NINJ2: variants seen among roughly 807,000 people sequenced by gnomAD.
The protein encoded by NINJ2 is ninjurin-2.
Under a neutral mutation model 11.7 loss-of-function variants are expected in NINJ2, and 12 were observed. The ratio of observed to expected loss-of-function variants is 1.02; its 90% confidence interval spans 0.66 to 1.66. NINJ2 has a LOEUF of 1.66. NINJ2 is among the 40% of genes most tolerant of loss of function. NINJ2 has a pLI of 0.00. For synonymous variants in NINJ2, 93 were observed against 76.8 expected, an observed-to-expected ratio of 1.21 and a Z score of -1.10; for missense variants, 187 against 181.8, an observed-to-expected ratio of 1.03 and a Z score of -0.16.
chr12:575,013 C>T lies in NINJ2; in HGVS notation c.34-8835G>A, dbSNP rs77428084. 1.4e-3 allele frequency among the ~76,000 whole-genome samples: 210 copies of T among 152,334 alleles called. 2 individuals are homozygous for T. In the East Asian group the frequency reaches 0.035, roughly 26 times the overall value. The stretch of plus-strand genomic sequence containing the variant: ...TATCCCACAGAGGATTATACTCCCA[C>T]GTGTGGGCCTAGAGGCATTTCAAAT... On this transcript the variant is annotated intron_variant, in intron 1 of 3. Transcript: ENST00000305108.
intron 1 of NINJ2, among the ~76,000 whole-genome samples, chr12:587,823 C>T (rs1363485878): frequency 6.6e-6 from 1 of 152,212 alleles, no homozygotes; most frequent in African/African-American, 2.4e-5. Flanking sequence ...CCAGGAAGCT[C>T]TTCCTTCCAT....
chr12:653,424 T>C (rs1937825480), intron 1 of NINJ2, among the ~76,000 whole-genome samples: 1 of 152,218 alleles, frequency 6.6e-6, no homozygotes. Flanking sequence ...TATACACATA[T>C]ATATGTATAC....
At chr12:568,914 C>T (rs1024356605) in intron 1 of NINJ2, among the ~76,000 whole-genome samples, 1 of 130,860 alleles carries the variant, frequency 7.6e-6, no homozygotes, top group African/African-American at 2.8e-5. Context: ...CACTGGGCCA[C>T]AGGCTGCTCA....
At chr12:571,039 A>G (rs1947368368) in intron 1 of NINJ2, among the ~76,000 whole-genome samples, 3 of 152,052 alleles carry the variant, frequency 2.0e-5, no homozygotes, top group African/African-American at 7.2e-5. Flanking sequence ...GGCTCTCGGT[A>G]TCTTCCTCAG....
At chr12:609,475 A>C (rs565227568) in intron 1 of NINJ2, among the ~76,000 whole-genome samples, 1 of 152,276 alleles carries the variant, frequency 6.6e-6, no homozygotes, top group East Asian at 1.9e-4. Flanking sequence ...TTTATTTAAA[A>C]CAATAGGGGA....
intron 1 of NINJ2, among the ~76,000 whole-genome samples, chr12:590,442 G>T (rs1265232118): frequency 6.6e-6 from 1 of 152,226 alleles, no homozygotes; most frequent in East Asian, 1.9e-4. Context: ...GCCTCTGGCT[G>T]GGTGGCAACT....
At position 585,030 on chromosome 12, in the gene NINJ2, A is replaced by G. The variant is rs749788572; in HGVS notation, c.34-18852T>C. On this transcript the variant is annotated intron_variant, in intron 1 of 3. Transcript: ENST00000305108. The surrounding 1 kb of genome is among the most constrained non-coding windows in gnomAD (Gnocchi z 4.1). ...CCTACTTGGGAGGCTGAGGCAGGAG[A>G]ATCACTTGAACCGGGGAGGCGGAGG... Among the ~76,000 whole-genome samples, 14 of 152,186 alleles carry G rather than the reference A, an allele frequency of 9.2e-5. No individual in the cohort carries two copies. The highest frequency in any genetic ancestry group is 1.8e-4 in the Non-Finnish European group (12 of 68,016).
intron 1 of NINJ2, among the ~76,000 whole-genome samples, chr12:608,845 C>T (rs1399963686): frequency 2.6e-5 from 4 of 152,220 alleles, no homozygotes; most frequent in Non-Finnish European, 4.4e-5. Context: ...CGTATCAGGT[C>T]CATGTTTAAT....
At chr12:605,452 T>G (rs906993495) in intron 1 of NINJ2, among the ~76,000 whole-genome samples, 1 of 152,184 alleles carries the variant, frequency 6.6e-6, no homozygotes, top group East Asian at 1.9e-4. Context: ...CCCAGCTATT[T>G]GGGAGGCTGA....
intron 1 of NINJ2, among the ~76,000 whole-genome samples, chr12:624,123 C>G (rs572733815): frequency 6.6e-6 from 1 of 152,176 alleles, no homozygotes; most frequent in South Asian, 2.1e-4. Flanking sequence ...CTGAACTCTA[C>G]GTCCCATCCT....
At position 628,824 on chromosome 12, in the gene NINJ2, T is replaced by C. The variant is rs1948237413; in HGVS notation, c.33+34504A>G. 6.6e-6 allele frequency among the ~76,000 whole-genome samples: 1 copy of C among 152,124 alleles called. No individual in the cohort carries two copies. On this transcript the variant is annotated intron_variant, in intron 1 of 3. Transcript: ENST00000305108. This position sits in a 1 kb window ranked among gnomAD's most constrained non-coding sequence, Gnocchi z 4.4. ...TATACATTAGCATGCTAAGAGACAC[T>C]CCCACCAGCACCATGGCAGTTTACA...
intron 1 of NINJ2, among the ~76,000 whole-genome samples, chr12:594,582 G>A (rs1396154021): frequency 1.3e-5 from 2 of 152,012 alleles, no homozygotes; most frequent in African/African-American, 4.8e-5. Flanking sequence ...GAGTCCGGGA[G>A]TTCACAACCA....
chr12:566,353 T>C (rs186661775), intron 1 of NINJ2, among the ~76,000 whole-genome samples, 175 bp from the exon 2 acceptor site: 79 of 152,298 alleles, frequency 5.2e-4, no homozygotes, highest in Admixed American at 4.0e-3. Context: ...AGAAAACCCA[T>C]AAGGACCTCT....
In NINJ2 at chr12:564,303, G is replaced by A. The variant is rs1443169682; in HGVS notation, c.*397C>T. The A allele has an allele frequency of 2.6e-5, 4 of 152,272 alleles. No homozygotes were observed. Among genetic ancestry groups the A allele is most frequent in the Non-Finnish European group, 5.9e-5 (4 of 68,066 alleles). The allele number at this position is 152,272 out of a possible 1,614,324, so 9.4% of individuals were successfully genotyped here. A position where few individuals can be genotyped will look rare whatever the true frequency, so the allele number is the denominator to read the frequency against. The stretch of plus-strand genomic sequence containing the variant: ...AGTAAGTGGACTCAAGAGTGGATTT[G>A]AAGAAACCTTTATAGATATAGATTC... On this transcript the variant is annotated 3_prime_UTR_variant, in exon 4 of 4. Transcript: ENST00000305108.
In NINJ2 at chr12:650,500, C is replaced by T. The variant is rs980687048; in HGVS notation, c.33+12828G>A. The stretch of plus-strand genomic sequence containing the variant: ...GGATCACGAGGTCAGGAGTCCGAGA[C>T]CAGCCTGGCCAACATAGTGAAACCC... On this transcript the variant is annotated intron_variant, in intron 1 of 3. Coordinates refer to ENST00000305108, the MANE Select transcript of NINJ2 (RefSeq NM_016533.6). 2.6e-5 allele frequency among the ~76,000 whole-genome samples: 4 copies of T among 152,198 alleles called. 1 individual carries two copies. Among genetic ancestry groups the T allele is most frequent in the South Asian group, 4.1e-4 (2 of 4,834 alleles).
At chr12:569,579 C>G (rs1191938529) in intron 1 of NINJ2, among the ~76,000 whole-genome samples, 2 of 152,178 alleles carry the variant, frequency 1.3e-5, no homozygotes, top group Non-Finnish European at 2.9e-5. Flanking sequence ...GTATCGTTAA[C>G]AGTGGACAAA....
At chr12:604,511 A>G (rs61916660) in intron 1 of NINJ2, among the ~76,000 whole-genome samples, 2,653 of 152,010 alleles carry the variant, frequency 0.017, 52 homozygotes, top group East Asian at 0.11. Context: ...GGTGGTGGGC[A>G]CCTGTAATCC....
intron 1 of NINJ2, among the ~76,000 whole-genome samples, chr12:654,879 C>G (rs1310157397): frequency 5.6e-5 from 8 of 142,388 alleles, no homozygotes; most frequent in African/African-American, 7.8e-5. Flanking sequence ...CAACAAGATC[C>G]AAACTCCATT....
rs139452771 is a variant in NINJ2, at chr12:649,531, G to GTGTATATATATATATATATATATATATA, written c.33+13796_33+13797insTATATATATATATATATATATATATACA. 1.1e-3 allele frequency among the ~76,000 whole-genome samples: 142 copies of GTGTATATATATATATATATATATATATA among 127,616 alleles called. 1 individual carries two copies. The highest frequency in any genetic ancestry group is 1.9e-3 in the Non-Finnish European group (114 of 61,076). The allele number at this position is 127,616 out of a possible 152,430, so 83.7% of individuals were successfully genotyped here. A position where few individuals can be genotyped will look rare whatever the true frequency, so the allele number is the denominator to read the frequency against. On this transcript the variant is annotated intron_variant, in intron 1 of 3. Coordinates refer to ENST00000305108, the MANE Select transcript of NINJ2 (RefSeq NM_016533.6). Reference sequence around the variant, plus strand: ...AGTGAATATGTGTGTGTGTATATGTGTATATATATATATATATATATAGTA... The same window carrying GTGTATATATATATATATATATATATATA: ...AGTGAATATGTGTGTGTGTATATGTGTGTATATATATATATATATATATATATATATATATATATATATATATATAGTA...
Sources: gnomAD v4.1 joint callset for allele counts (sites outside exome capture counted in the v4.1 genomes callset) on GRCh38, gnomAD v4.1.1 for gene constraint, Gnocchi (gnomAD v3.1) non-coding constraint, MANE v1.5 for transcripts, NCBI Gene and HGNC (gene_info 2026-07-23, HGNC 2026-07-21) for gene names.